Variants in CIB4 observed in about 807,000 individuals in gnomAD.
CIB4 encodes calcium and integrin binding family member 4, also known as calcium and integrin-binding family member 4.
A neutral mutation model predicts 25.8 loss-of-function variants in CIB4; 25 were observed. The observed-to-expected ratio is 0.97, with a 90% confidence interval of 0.71 to 1.35. CIB4 has a LOEUF of 1.35. Ranked by LOEUF, CIB4 falls within the 40% of genes most tolerant of loss-of-function variation. CIB4 has a pLI of 0.00. For synonymous variants in CIB4, 75 were observed against 81.4 expected, an observed-to-expected ratio of 0.92 and a Z score of 0.42; for missense variants, 235 against 228.2, an observed-to-expected ratio of 1.03 and a Z score of -0.19.
At position 26,583,801 on chromosome 2, in the gene CIB4, G is replaced by T; in HGVS notation, c.426C>A (p.Asp142Glu). The T allele has an allele frequency of 2.5e-6, 4 of 1,607,250 alleles. No individual in the cohort carries two copies. The South Asian group carries it at 4.4e-5, about 18-fold the overall frequency. ...SDDMSEDLLM[D>E]LTNHVLSESD... Reference sequence around the variant, plus strand: ...CCCCAGCACACACGTGGTTCGTGAGGTCCATCAGGAGGTCCTCAGACATGT... The same window carrying T: ...CCCCAGCACACACGTGGTTCGTGAGTTCCATCAGGAGGTCCTCAGACATGT... Residue 142 changes from aspartate to glutamate, a missense_variant, in exon 5 of 7, where the codon GAC becomes GAA. Transcript: ENST00000288861.
chr2:26,583,940 G>T (rs989426846), intron 4 of CIB4, 42 bp from the exon 5 acceptor site: 4 of 1,313,786 alleles, frequency 3.0e-6, no homozygotes, highest in Admixed American at 1.7e-5. Flanking sequence ...GGAGCTGGGG[G>T]CTAAACAGGA....
At chr2:26,621,153 T>C (rs1477491078) in intron 3 of CIB4, among the ~76,000 whole-genome samples, 1 of 149,428 alleles carries the variant, frequency 6.7e-6, no homozygotes, top group African/African-American at 2.5e-5. Flanking sequence ...GAGTGGGTCC[T>C]CCGCGTGCCT....
intron 4 of CIB4, among the ~76,000 whole-genome samples, chr2:26,585,580 G>A (rs1000525320): frequency 3.3e-5 from 5 of 152,024 alleles, no homozygotes; most frequent in Non-Finnish European, 7.4e-5. Flanking sequence ...AGATGTTTTC[G>A]CTGTGGCCAG....
At chr2:26,606,350 A>G (rs1211646074) in intron 3 of CIB4, among the ~76,000 whole-genome samples, 2 of 152,210 alleles carry the variant, frequency 1.3e-5, no homozygotes, top group Non-Finnish European at 2.9e-5. Flanking sequence ...AGGACGGACA[A>G]AGGGCTCGGA....
At chr2:26,611,150 C>T (rs1668989276) in intron 3 of CIB4, among the ~76,000 whole-genome samples, 1 of 152,220 alleles carries the variant, frequency 6.6e-6, no homozygotes, top group Non-Finnish European at 1.5e-5. Flanking sequence ...CAGGATGGCA[C>T]CCTCTGGGCA....
At chr2:26,620,465 T>C (rs1298441558) in intron 3 of CIB4, among the ~76,000 whole-genome samples, 1 of 152,038 alleles carries the variant, frequency 6.6e-6, no homozygotes, top group Admixed American at 6.6e-5. Context: ...GGGGAGAGTA[T>C]AGCAGAGGCT....
intron 3 of CIB4, among the ~76,000 whole-genome samples, chr2:26,620,352 T>C (rs571788027): frequency 1.8e-4 from 28 of 152,338 alleles, no homozygotes; most frequent in African/African-American, 5.3e-4. Flanking sequence ...TTTAAAGCAG[T>C]TGGAGTTCTA....
intron 4 of CIB4, among the ~76,000 whole-genome samples, chr2:26,591,934 G>A (rs60667566): frequency 0.032 from 4,832 of 152,294 alleles, 281 homozygotes; most frequent in African/African-American, 0.11. Context: ...GATTCCCCCA[G>A]TCAAGCGCCC....
chr2:26,619,073 C>A (rs774345312), intron 3 of CIB4, among the ~76,000 whole-genome samples: 2 of 152,230 alleles, frequency 1.3e-5, no homozygotes, highest in Non-Finnish European at 2.9e-5. Flanking sequence ...GGTGCACAAC[C>A]CGCAGTAAAG....
intron 1 of CIB4, among the ~76,000 whole-genome samples, chr2:26,641,034 T>G (rs2148231388): frequency 6.6e-6 from 1 of 152,344 alleles, no homozygotes; most frequent in African/African-American, 2.4e-5. Context: ...TAAACTTTCT[T>G]AAAACATTAT....
intron 3 of CIB4, among the ~76,000 whole-genome samples, chr2:26,601,436 C>G (rs1668787501): frequency 6.6e-6 from 1 of 151,730 alleles, no homozygotes; most frequent in Admixed American, 6.6e-5. Context: ...CAGTCTTTTC[C>G]ATAAGTGATG....
At chr2:26,636,318 TG>T (rs1331148071) in intron 2 of CIB4, among the ~76,000 whole-genome samples, 1 of 152,238 alleles carries the variant, frequency 6.6e-6, no homozygotes, top group Non-Finnish European at 1.5e-5. Context: ...CAAGTCTTTT[TG>T]TTTTTCCCAG....
At chr2:26,634,001 A>AC (rs1443228076) in intron 2 of CIB4, among the ~76,000 whole-genome samples, 31 of 151,300 alleles carry the variant, frequency 2.0e-4, no homozygotes, top group Admixed American at 2.0e-3. Context: ...CATCCCATTT[A>AC]CCCCCTTGCC....
intron 3 of CIB4, among the ~76,000 whole-genome samples, chr2:26,615,090 C>A (rs1324593504): frequency 6.6e-6 from 1 of 152,154 alleles, no homozygotes; most frequent in Non-Finnish European, 1.5e-5. Context: ...TGGCCGCATA[C>A]CAGACTAGCT....
At chr2:26,640,913 G>A (rs1452397445) in intron 1 of CIB4, among the ~76,000 whole-genome samples, 1 of 152,208 alleles carries the variant, frequency 6.6e-6, no homozygotes, top group African/African-American at 2.4e-5. Context: ...AGCAAAGAGA[G>A]GGACCACCGC....
At chr2:26,603,209 T>C (rs2148204263) in intron 3 of CIB4, among the ~76,000 whole-genome samples, 1 of 152,204 alleles carries the variant, frequency 6.6e-6, no homozygotes, top group Middle Eastern at 3.4e-3. Flanking sequence ...AAAGCGAGAC[T>C]GAGAAACTAT....
chr2:26,616,860 G>A (rs1022429125), intron 3 of CIB4, among the ~76,000 whole-genome samples: 10 of 152,148 alleles, frequency 6.6e-5, no homozygotes, highest in African/African-American at 2.2e-4. Flanking sequence ...GAAGAGATAT[G>A]CAGAAGAGCA....
At chr2:26,634,768 A>G (rs984329129) in intron 2 of CIB4, among the ~76,000 whole-genome samples, 19 of 152,210 alleles carry the variant, frequency 1.2e-4, no homozygotes, top group African/African-American at 4.3e-4. Context: ...AAGTGTTGGA[A>G]CCTCCAGAGG....
chr2:26,616,101 C>A (rs866485372), intron 3 of CIB4, among the ~76,000 whole-genome samples: 1 of 152,140 alleles, frequency 6.6e-6, no homozygotes, highest in Non-Finnish European at 1.5e-5. Context: ...TGGGCCTCTG[C>A]GGCCCAGCTG....
Sources: allele counts gnomAD v4.1 joint callset (sites outside exome capture counted in the v4.1 genomes callset), GRCh38; gene constraint gnomAD v4.1.1; transcripts MANE v1.5; gene names NCBI Gene and HGNC (gene_info 2026-07-23, HGNC 2026-07-21).